RBFOX3: variants seen among roughly 807,000 people sequenced by gnomAD.
The protein encoded by RBFOX3 is RNA binding protein fox-1 homolog 3.
In RBFOX3, 17 loss-of-function variants were observed where a neutral mutation model predicts 48.7. That is an observed-to-expected ratio of 0.35 (90% CI 0.24 to 0.52). RBFOX3 has a LOEUF of 0.52. Ranked by LOEUF, RBFOX3 falls within the 20% of genes least tolerant of loss-of-function variation. The pLI, the probability that RBFOX3 is intolerant of heterozygous loss-of-function variation, is 0.94. For synonymous variants in RBFOX3, 212 were observed against 209.5 expected (o/e 1.01, Z -0.10); for missense variants, 382 against 497.5 (o/e 0.77, Z 2.21).
chr17:79,178,782 T>G (rs1457741067), intron 4 of RBFOX3, among the ~76,000 whole-genome samples: 3 of 151,608 alleles, frequency 2.0e-5, no homozygotes, highest in African/African-American at 7.3e-5. Flanking sequence ...TCCCAGGGAG[T>G]GAGGGCGCAG....
the RBFOX3 span, among the ~76,000 whole-genome samples, chr17:79,621,636 CG>C: frequency 6.6e-6 from 1 of 152,320 alleles, no homozygotes; most frequent in Admixed American, 6.5e-5. Flanking sequence ...TCAGTTTCAT[CG>C]GGGCATAACC....
chr17:79,389,069 A>ATCC (rs2060976482), intron 2 of RBFOX3, among the ~76,000 whole-genome samples: 5 of 152,006 alleles, frequency 3.3e-5, no homozygotes, highest in Non-Finnish European at 7.4e-5. Context: ...CATGAATGAG[A>ATCC]ACAGAGACGG....
chr17:79,433,613 C>T (rs1208170788), intron 2 of RBFOX3, among the ~76,000 whole-genome samples: 1 of 152,166 alleles, frequency 6.6e-6, no homozygotes, highest in Non-Finnish European at 1.5e-5. Flanking sequence ...TGGACCCAGC[C>T]GATTCCACGT....
At chr17:79,268,999 AT>A (rs2067214349) in intron 3 of RBFOX3, among the ~76,000 whole-genome samples, 1 of 152,236 alleles carries the variant, frequency 6.6e-6, no homozygotes, top group Non-Finnish European at 1.5e-5. Flanking sequence ...AAGCCTCAGA[AT>A]GTGACCTCAT....
intron 3 of RBFOX3, among the ~76,000 whole-genome samples, chr17:79,277,270 CCTCCAAGG>C (rs2069083954): frequency 2.7e-5 from 1 of 37,602 alleles, no homozygotes; most frequent in Non-Finnish European, 5.9e-5. Context: ...AGCTCCAAGG[CCTCCAAGG>C]CCTCCAAGGA....
intron 1 of RBFOX3, among the ~76,000 whole-genome samples, chr17:79,497,110 C>T (rs924595477): frequency 1.1e-4 from 17 of 152,284 alleles, no homozygotes; most frequent in African/African-American, 3.9e-4. Flanking sequence ...TGGGTCCACC[C>T]CCTGCATGGC....
chr17:79,231,112 C>T (rs2060986587), intron 4 of RBFOX3, among the ~76,000 whole-genome samples: 1 of 152,150 alleles, frequency 6.6e-6, no homozygotes, highest in Non-Finnish European at 1.5e-5. Flanking sequence ...GCCTGGTGTA[C>T]TCCCTGAGTT....
At chr17:79,495,178 G>A (rs1042016142) in intron 1 of RBFOX3, among the ~76,000 whole-genome samples, 1 of 151,060 alleles carries the variant, frequency 6.6e-6, no homozygotes, top group Non-Finnish European at 1.5e-5. Flanking sequence ...CCTGGCTTAC[G>A]TCGGGTGGGA....
intron 3 of RBFOX3, among the ~76,000 whole-genome samples, chr17:79,277,503 T>C (rs897589): frequency 0.83 from 126,344 of 152,198 alleles, 52,685 homozygotes; most frequent in East Asian, 0.99. Context: ...CCATACTCAG[T>C]TCCCCGAAAC....
At chr17:79,283,888 T>TAA (rs781406223) in intron 3 of RBFOX3, among the ~76,000 whole-genome samples, 17 of 152,110 alleles carry the variant, frequency 1.1e-4, no homozygotes, top group Non-Finnish European at 2.5e-4. Flanking sequence ...TCAGTACTTA[T>TAA]AAATGGAGAT....
chr17:79,472,149 C>T (rs1424093541), intron 2 of RBFOX3, among the ~76,000 whole-genome samples: 1 of 152,148 alleles, frequency 6.6e-6, no homozygotes, highest in East Asian at 1.9e-4. Flanking sequence ...CCCACTTGGC[C>T]TCCATCCCAG....
chr17:79,194,196 C>A (rs2055082538), intron 4 of RBFOX3, among the ~76,000 whole-genome samples: 2 of 152,154 alleles, frequency 1.3e-5, no homozygotes, highest in African/African-American at 2.4e-5. Flanking sequence ...ATGGACTTTG[C>A]CTCTGATCTC....
rs1464731492 is a variant in RBFOX3 at position 79,583,844 on chromosome 17, G to A, written c.-320+26982C>T. Among the ~76,000 whole-genome samples the A allele has an allele frequency of 2.6e-5, 4 of 152,356 alleles. No homozygotes were observed. The South Asian group carries it at 6.2e-4, about 24-fold the overall frequency. On this transcript the variant is annotated intron_variant, in intron 1 of 14. Coordinates refer to ENST00000693108, the MANE Select transcript of RBFOX3 (RefSeq NM_001350451.2). ...GGCCGCGGCCATGGTCCAGGCCAGA[G>A]AAGGTGGTGGCCATGGGAAAGGAGG...
intron 1 of RBFOX3, among the ~76,000 whole-genome samples, chr17:79,557,669 G>T (rs1310633403): frequency 6.6e-6 from 1 of 152,222 alleles, no homozygotes; most frequent in East Asian, 1.9e-4. Context: ...TGTGAAATTG[G>T]ACTAGATTGG....
In RBFOX3 at chr17:79,479,545, G is replaced by C. The variant is rs2078472886; in HGVS notation, c.-175+2909C>G. On this transcript the variant is annotated intron_variant, in intron 2 of 14. Coordinates refer to ENST00000693108, the MANE Select transcript of RBFOX3 (RefSeq NM_001350451.2). This position sits in a 1 kb window ranked among gnomAD's most constrained non-coding sequence, Gnocchi z 5.1. ...GGCAGATTCCTCACTTCACAATTCA[G>C]AGCACACCTTTGGAATCAACAAGGG... is the stretch of plus-strand genomic sequence containing the variant. Among the ~76,000 whole-genome samples, 3 of 152,222 alleles carry C rather than the reference G, an allele frequency of 2.0e-5. No homozygotes were observed. Among genetic ancestry groups the C allele is most frequent in the Admixed American group, 1.3e-4 (2 of 15,290 alleles).
At chr17:79,356,366 T>TTTTTTTGTTTTTG (rs2085057937) in intron 2 of RBFOX3, among the ~76,000 whole-genome samples, 8 of 105,938 alleles carry the variant, frequency 7.6e-5, no homozygotes, top group African/African-American at 3.0e-4. Flanking sequence ...TTTTTTTTTT[T>TTTTTTTGTTTTTG]TTTTTTTTTT....
At chr17:79,167,594 GGTCT>G (rs1325369359) in intron 4 of RBFOX3, among the ~76,000 whole-genome samples, 1 of 152,186 alleles carries the variant, frequency 6.6e-6, no homozygotes, top group Admixed American at 6.5e-5. Flanking sequence ...CCTGTCTTCT[GGTCT>G]GTCTCTCTCA....
intron 14 of RBFOX3, among the ~76,000 whole-genome samples, chr17:79,093,784 C>T (rs1260624639): frequency 1.5e-5 from 2 of 132,562 alleles, no homozygotes; most frequent in African/African-American, 3.0e-5. Context: ...CACGTGTCAA[C>T]AGCTGGCCAC....
At chr17:79,256,646 G>T (rs747980597) in intron 3 of RBFOX3, among the ~76,000 whole-genome samples, 1 of 152,098 alleles carries the variant, frequency 6.6e-6, no homozygotes, top group Non-Finnish European at 1.5e-5. Flanking sequence ...TGCCAGGTAC[G>T]GTGGCTCATG....
Sources: allele counts gnomAD v4.1 joint callset (sites outside exome capture counted in the v4.1 genomes callset), GRCh38; gene constraint gnomAD v4.1.1; non-coding constraint Gnocchi (gnomAD v3.1); transcripts MANE v1.5; gene names NCBI Gene and HGNC (gene_info 2026-07-23, HGNC 2026-07-21).